Variants in PIGL observed in about 807,000 individuals in gnomAD.
PIGL encodes phosphatidylinositol glycan anchor biosynthesis class L, also known as N-acetylglucosaminyl-phosphatidylinositol de-N-acetylase.
PIGL carries 22 observed loss-of-function variants against 31.1 expected under a neutral mutation model. That is an observed-to-expected ratio of 0.71 (90% CI 0.51 to 1.01). The LOEUF is 1.01. Ranked by LOEUF, PIGL falls within the 50% of genes least tolerant of loss-of-function variation. PIGL has a pLI of 0.00. For synonymous variants in PIGL, 131 were observed against 117.4 expected, an observed-to-expected ratio of 1.12 and a Z score of -0.75; for missense variants, 302 against 315.9, an observed-to-expected ratio of 0.96 and a Z score of 0.33.
intron 2 of PIGL, among the ~76,000 whole-genome samples, chr17:16,295,174 C>T (rs867267278): frequency 5.9e-5 from 9 of 151,592 alleles, no homozygotes; most frequent in East Asian, 2.0e-4. Context: ...GAGGCTGAGG[C>T]GGGCGGATCA....
intron 2 of PIGL, among the ~76,000 whole-genome samples, chr17:16,275,326 T>C (rs1013269751): frequency 6.6e-6 from 1 of 152,196 alleles, no homozygotes; most frequent in Non-Finnish European, 1.5e-5. Flanking sequence ...TAGCGTATAA[T>C]GAGCAATGAG....
chr17:16,320,649 C>T (rs1175154089), intron 6 of PIGL, among the ~76,000 whole-genome samples: 1 of 152,042 alleles, frequency 6.6e-6, no homozygotes, highest in Non-Finnish European at 1.5e-5. Context: ...TCTAAATTTT[C>T]TTTGAGATGA....
intron 2 of PIGL, among the ~76,000 whole-genome samples, chr17:16,298,463 A>C (rs1388448762): frequency 6.6e-6 from 1 of 152,342 alleles, no homozygotes; most frequent in East Asian, 1.9e-4. Flanking sequence ...AGGTGACACC[A>C]TAGATCAAAG....
At chr17:16,274,172 A>G (rs1434277960) in intron 2 of PIGL, among the ~76,000 whole-genome samples, 1 of 152,188 alleles carries the variant, frequency 6.6e-6, no homozygotes, top group Non-Finnish European at 1.5e-5. Flanking sequence ...GGTTATTACC[A>G]AGAAGATAGT....
rs1252281379 is a variant in PIGL, at chr17:16,300,512, C to T, written c.426+534C>T. 2.6e-5 allele frequency among the ~76,000 whole-genome samples: 4 copies of T among 152,204 alleles called. No individual in the cohort carries two copies. In the East Asian group the frequency reaches 7.7e-4, roughly 29 times the overall value. On this transcript the variant is annotated intron_variant, in intron 3 of 6. Coordinates refer to ENST00000225609, the MANE Select transcript of PIGL (RefSeq NM_004278.4). ...CCTGGCCAGCATGGTGAAACCCCAT[C>T]TCTATTAAAAATACAAAAATTAGCC...
At chr17:16,316,834 G>A (rs759098893) in intron 5 of PIGL, 122 bp downstream of exon 5, 2 of 1,518,046 alleles carry the variant, frequency 1.3e-6, no homozygotes, top group East Asian at 2.4e-5. Flanking sequence ...GGTTGGGGAG[G>A]CCGCCACACT....
chr17:16,306,825 G>C (rs907020395), intron 3 of PIGL, among the ~76,000 whole-genome samples: 1 of 152,072 alleles, frequency 6.6e-6, no homozygotes, highest in Admixed American at 6.6e-5. Context: ...CACCGCACCC[G>C]GCTGGCTTTT....
intron 2 of PIGL, among the ~76,000 whole-genome samples, chr17:16,286,459 C>T (rs916502775): frequency 1.3e-5 from 2 of 152,216 alleles, no homozygotes; most frequent in Non-Finnish European, 2.9e-5. Context: ...TTCCATGACT[C>T]TCCCGACTAA....
At chr17:16,257,489 T>C (rs1231940959) in intron 2 of PIGL, among the ~76,000 whole-genome samples, 1 of 152,124 alleles carries the variant, frequency 6.6e-6, no homozygotes, top group Non-Finnish European at 1.5e-5. Context: ...AAGATGCCTC[T>C]GAGGCTCAAT....
intron 2 of PIGL, among the ~76,000 whole-genome samples, chr17:16,246,599 C>T (rs1032805150): frequency 3.3e-5 from 5 of 151,304 alleles, no homozygotes; most frequent in African/African-American, 9.7e-5. Flanking sequence ...AACAAAATAC[C>T]GTAGACAGTG....
intron 2 of PIGL, among the ~76,000 whole-genome samples, chr17:16,282,930 C>T (rs1188248738): frequency 6.6e-6 from 1 of 151,942 alleles, no homozygotes; most frequent in Non-Finnish European, 1.5e-5. Flanking sequence ...GAAGCTGAAG[C>T]GGGAGCATCA....
At chr17:16,305,091 C>T (rs2093021151) in intron 3 of PIGL, among the ~76,000 whole-genome samples, 1 of 152,122 alleles carries the variant, frequency 6.6e-6, no homozygotes, top group South Asian at 2.1e-4. Context: ...GCCTGGGCAA[C>T]ACAGTGAGAC....
At chr17:16,273,091 C>T (rs1228624620) in intron 2 of PIGL, among the ~76,000 whole-genome samples, 1 of 152,130 alleles carries the variant, frequency 6.6e-6, no homozygotes, top group Non-Finnish European at 1.5e-5. Flanking sequence ...TCTCAAATAT[C>T]AGGTCCTAGG....
At position 16,325,945 on chromosome 17, in the gene PIGL, A is replaced by G; in HGVS notation, c.*47A>G. 7.3e-7 allele frequency: 1 copy of G among 1,362,828 alleles called. No individual in the cohort carries two copies. The highest frequency in any genetic ancestry group is 1.7e-5 in the Admixed American group (1 of 59,568). The allele number at this position is 1,362,828 out of a possible 1,614,324, so 84.4% of individuals were successfully genotyped here. A position where few individuals can be genotyped will look rare whatever the true frequency, so the allele number is the denominator to read the frequency against. ...CCAAGGAACAAAGGGGAAAATAGAC[A>G]AAGGAGTGCAGAGGACCTGGCCTGG... On this transcript the variant is annotated 3_prime_UTR_variant, in exon 7 of 7. Coordinates refer to ENST00000225609, the MANE Select transcript of PIGL (RefSeq NM_004278.4).
intron 1 of PIGL, among the ~76,000 whole-genome samples, chr17:16,230,074 G>A (rs755108440): frequency 2.0e-5 from 3 of 151,972 alleles, no homozygotes; most frequent in Non-Finnish European, 4.4e-5. Flanking sequence ...TGTTGGCCAG[G>A]ATGGTCTCAA....
chr17:16,310,937 C>A (rs1289151322), intron 3 of PIGL, among the ~76,000 whole-genome samples: 5 of 152,216 alleles, frequency 3.3e-5, no homozygotes, highest in Non-Finnish European at 7.3e-5. Context: ...GTGATCACAG[C>A]TTCGGCCTCT....
At chr17:16,316,980 A>T in intron 5 of PIGL, 1 of 1,253,490 alleles carries the variant, frequency 8.0e-7, no homozygotes, top group Non-Finnish European at 1.0e-6. Context: ...TGGATGTTTT[A>T]CACCTCTGGT....
At chr17:16,261,823 C>T (rs60548847) in intron 2 of PIGL, among the ~76,000 whole-genome samples, 2 of 151,940 alleles carry the variant, frequency 1.3e-5, no homozygotes, top group African/African-American at 2.4e-5. Flanking sequence ...AGGCTGGTCT[C>T]GACCTCTGAG....
At chr17:16,270,121 C>T (rs2092864446) in intron 2 of PIGL, among the ~76,000 whole-genome samples, 1 of 152,010 alleles carries the variant, frequency 6.6e-6, no homozygotes, top group African/African-American at 2.4e-5. Context: ...AATGCTGTCT[C>T]TACTAAAAAT....
Sources: gnomAD v4.1 joint callset for allele counts (sites outside exome capture counted in the v4.1 genomes callset) on GRCh38, gnomAD v4.1.1 for gene constraint, MANE v1.5 for transcripts, NCBI Gene and HGNC (gene_info 2026-07-23, HGNC 2026-07-21) for gene names.